The following ERCC6L2 variants were observed in gnomAD, a reference collection of about 807,000 sequenced individuals.
ERCC6L2 encodes ERCC excision repair 6 like 2.
ERCC6L2 carries 77 observed loss-of-function variants against 132.0 expected under a neutral mutation model. The ratio of observed to expected loss-of-function variants is 0.58; its 90% CI spans 0.49 to 0.71. The LOEUF is 0.71. ERCC6L2 is among the 30% of genes least tolerant of loss of function. ERCC6L2 has a pLI of 0.00. For synonymous variants in ERCC6L2, 583 were observed against 632.4 expected (o/e 0.92, Z 1.17); for missense variants, 1,542 against 1,837.6 (o/e 0.84, Z 2.94).
At chr9:95,891,841 A>C (rs1051652805) in intron 2 of ERCC6L2, among the ~76,000 whole-genome samples, 1 of 152,040 alleles carries the variant, frequency 6.6e-6, no homozygotes. Context: ...CCCTTTGTAG[A>C]TCTTTAGAGA....
chr9:95,955,090 T>C (rs1831534120), intron 12 of ERCC6L2, among the ~76,000 whole-genome samples: 1 of 152,206 alleles, frequency 6.6e-6, no homozygotes, highest in South Asian at 2.1e-4. Flanking sequence ...GAGCATCCTA[T>C]AAAGCCTCCA....
intron 11 of ERCC6L2, among the ~76,000 whole-genome samples, chr9:95,930,014 A>G (rs1360345897): frequency 6.6e-6 from 1 of 152,118 alleles, no homozygotes; most frequent in African/African-American, 2.4e-5. Context: ...TGAATTTTTA[A>G]TTTTAATCAT....
chr9:95,935,186 C>A (rs1830502137), intron 11 of ERCC6L2, among the ~76,000 whole-genome samples: 2 of 151,940 alleles, frequency 1.3e-5, no homozygotes, highest in African/African-American at 4.8e-5. Context: ...ATAGATAGAT[C>A]AAAAAATCCC....
At chr9:95,958,238 G>A (rs10819663) in intron 13 of ERCC6L2, among the ~76,000 whole-genome samples, 39,998 of 151,838 alleles carry the variant, frequency 0.26, 5,855 homozygotes, top group East Asian at 0.4. Flanking sequence ...ATTCCATGGT[G>A]TATATGTGCC....
At chr9:95,895,155 A>G (rs1050869748) in intron 2 of ERCC6L2, among the ~76,000 whole-genome samples, 1 of 152,130 alleles carries the variant, frequency 6.6e-6, no homozygotes. Flanking sequence ...TTCCAAGTGA[A>G]CTAATTTTAT....
At chr9:95,945,407 T>C (rs926818013) in intron 12 of ERCC6L2, among the ~76,000 whole-genome samples, 1 of 152,222 alleles carries the variant, frequency 6.6e-6, no homozygotes, top group Non-Finnish European at 1.5e-5. Flanking sequence ...ACACATGCTG[T>C]ACAAACAATT....
intron 4 of ERCC6L2, 73 bp downstream of exon 4, chr9:95,907,344 T>TG (rs1433847675): frequency 5.8e-5 from 66 of 1,130,204 alleles, no homozygotes; most frequent in African/African-American, 5.3e-4. Context: ...AAGAGTTTTT[T>TG]TTTTTTTTTT....
In ERCC6L2 at chr9:95,932,492, A is replaced by G. The variant is rs963668062; in HGVS notation, c.1751+3628A>G. On this transcript the variant is annotated intron_variant, in intron 11 of 18. Transcript: ENST00000653738. ...TCATTTCATTCAGTTTATTTAAAGAATGATCATCTGGCATTTTTCCTGGGG... is the reference window on the plus strand; with the variant it reads ...TCATTTCATTCAGTTTATTTAAAGAGTGATCATCTGGCATTTTTCCTGGGG... Among the ~76,000 whole-genome samples the G allele has an allele frequency of 2.0e-5, 3 of 152,276 alleles. No individual in the cohort carries two copies. The East Asian group carries it at 5.8e-4, about 29-fold the overall frequency.
chr9:96,028,218 G>C (rs1423293349), intron 19 of ERCC6L2, among the ~76,000 whole-genome samples: 5 of 151,700 alleles, frequency 3.3e-5, no homozygotes, highest in African/African-American at 7.3e-5. Context: ...TAAAAATGCA[G>C]GCCAAAACGT....
At chr9:96,028,344 GTTCAGGAATATCCCTTCC>G (rs1834410215) in intron 19 of ERCC6L2, among the ~76,000 whole-genome samples, 1 of 152,178 alleles carries the variant, frequency 6.6e-6, no homozygotes, top group African/African-American at 2.4e-5. Context: ...GAAAAGCCAA[GTTCAGGAATATCCCTTCC>G]TTGAGATTAG....
intron 17 of ERCC6L2, among the ~76,000 whole-genome samples, chr9:96,002,607 T>A (rs1449963892): frequency 2.6e-5 from 4 of 152,026 alleles, no homozygotes; most frequent in African/African-American, 9.7e-5. Context: ...TTTTTTTTTG[T>A]AGAGAAAAGG....
intron 17 of ERCC6L2, among the ~76,000 whole-genome samples, chr9:95,997,671 T>G (rs1283529311): frequency 1.3e-5 from 2 of 152,242 alleles, no homozygotes; most frequent in African/African-American, 4.8e-5. Flanking sequence ...ATCAGAGGTA[T>G]GCTTGTATTA....
intron 17 of ERCC6L2, among the ~76,000 whole-genome samples, chr9:96,003,408 C>T (rs1339600834): frequency 1.3e-5 from 2 of 152,192 alleles, no homozygotes; most frequent in African/African-American, 2.4e-5. Flanking sequence ...TGGTACAAAT[C>T]GCATTCCACA....
At chr9:95,908,362 A>G (rs73534647) in intron 4 of ERCC6L2, among the ~76,000 whole-genome samples, 3,025 of 152,294 alleles carry the variant, frequency 0.02, 109 homozygotes, top group African/African-American at 0.07. Flanking sequence ...CACACACCAC[A>G]GAGGAAGGGA....
At chr9:95,982,775 C>T (rs1246818398) in intron 17 of ERCC6L2, among the ~76,000 whole-genome samples, 1 of 151,904 alleles carries the variant, frequency 6.6e-6, no homozygotes, top group African/African-American at 2.4e-5. Flanking sequence ...GTTTCTACAC[C>T]TAGAACTAGG....
At chr9:96,024,134 A>G (rs981480597) in intron 19 of ERCC6L2, among the ~76,000 whole-genome samples, 1 of 152,226 alleles carries the variant, frequency 6.6e-6, no homozygotes, top group African/African-American at 2.4e-5. Flanking sequence ...GCTACTAACT[A>G]TTGCTCCAGA....
intron 2 of ERCC6L2, among the ~76,000 whole-genome samples, chr9:95,887,296 T>C (rs1023799976): frequency 1.3e-5 from 2 of 152,118 alleles, no homozygotes; most frequent in African/African-American, 2.4e-5. Flanking sequence ...AAACTTTGAG[T>C]TTTGAATTGA....
At chr9:95,916,475 A>G in intron 6 of ERCC6L2, 41 bp downstream of exon 6, 1 of 1,284,256 alleles carries the variant, frequency 7.8e-7, no homozygotes, top group Non-Finnish European at 1.0e-6. Flanking sequence ...TTGTGGTCAT[A>G]TTTTTTTTTT....
chr9:95,905,423 G>C (rs1236027395), intron 3 of ERCC6L2, among the ~76,000 whole-genome samples: 1 of 152,124 alleles, frequency 6.6e-6, no homozygotes, highest in Non-Finnish European at 1.5e-5. Flanking sequence ...GCTGATGCCA[G>C]GACTCTTTAG....
Sources: gnomAD v4.1 joint callset for allele counts (sites outside exome capture counted in the v4.1 genomes callset) on GRCh38, gnomAD v4.1.1 for gene constraint, MANE v1.5 for transcripts, NCBI Gene and HGNC (gene_info 2026-07-23, HGNC 2026-07-21) for gene names.